WNK3: variants seen among roughly 807,000 people sequenced by gnomAD.
The protein encoded by WNK3 is WNK lysine deficient protein kinase 3.
In WNK3, 18 loss-of-function variants were observed where a neutral mutation model predicts 116.7. The ratio of observed to expected loss-of-function variants is 0.15; its 90% CI spans 0.11 to 0.23. The LOEUF (loss-of-function observed/expected upper bound fraction) is 0.23. Ranked by LOEUF, WNK3 falls within the 10% of genes least tolerant of loss-of-function variation. The pLI is 1.00. For missense variants in WNK3, 993 were observed against 1,323.8 expected, an observed-to-expected ratio of 0.75 and a Z score of 3.88; for synonymous variants, 404 against 469.4, an observed-to-expected ratio of 0.86 and a Z score of 1.80.
intron 10 of WNK3, among the ~76,000 whole-genome samples, chrX:54,264,668 G>A (rs1269978153): frequency 9.0e-6 from 1 of 111,071 alleles, no homozygotes; most frequent in Non-Finnish European, 1.9e-5. Flanking sequence ...TCCATTAACT[G>A]TAAGGCAGAT....
intron 10 of WNK3, among the ~76,000 whole-genome samples, chrX:54,261,648 G>T (rs782679270): frequency 9.0e-6 from 1 of 111,120 alleles, no homozygotes; most frequent in Non-Finnish European, 1.9e-5. Context: ...ACACACACAC[G>T]TTTTTAATGT....
intron 1 of WNK3, among the ~76,000 whole-genome samples, chrX:54,335,579 A>G (rs1291768348): frequency 9.3e-6 from 1 of 107,886 alleles, no homozygotes; most frequent in Non-Finnish European, 1.9e-5. Flanking sequence ...TGTCACAAAG[A>G]TTTGTTAAGA....
At chrX:54,270,802 A>G (rs182938988) in intron 10 of WNK3, among the ~76,000 whole-genome samples, 26 of 110,592 alleles carry the variant, frequency 2.4e-4, no homozygotes, top group Non-Finnish European at 4.3e-4. Context: ...CTCATTGTTC[A>G]GCTCCCACTT....
chrX:54,353,352 G>A (rs1244238899), intron 1 of WNK3, among the ~76,000 whole-genome samples: 6 of 110,943 alleles, frequency 5.4e-5, no homozygotes, highest in Non-Finnish European at 1.1e-4. Flanking sequence ...CAGCTATTCG[G>A]GATGCTGAGG....
chrX:54,305,253 T>C (rs1416118507), intron 5 of WNK3, among the ~76,000 whole-genome samples: 1 of 111,711 alleles, frequency 9.0e-6, no homozygotes, highest in African/African-American at 3.3e-5. Flanking sequence ...TATTTATGTG[T>C]TTGAGGTTAT....
At chrX:54,245,742 T>C (rs1219797499) in intron 17 of WNK3, among the ~76,000 whole-genome samples, 7 of 112,091 alleles carry the variant, frequency 6.2e-5, no homozygotes, top group Admixed American at 5.7e-4. Flanking sequence ...TCCTTTCCTG[T>C]TACCAATAAT....
chrX:54,294,564 G>A (rs782356886), exon 8 of WNK3: 50 of 1,173,688 alleles, frequency 4.3e-5, no homozygotes, highest in Non-Finnish European at 5.7e-5. Context: ...TGTAACAGAG[G>A]AGCAGTGCTG....
intron 22 of WNK3, chrX:54,223,889 G>A (rs1268235430): frequency 1.5e-5 from 2 of 131,296 alleles, no homozygotes; most frequent in Non-Finnish European, 3.1e-5. Flanking sequence ...CACCACTGTC[G>A]CCTTCACACA....
At chrX:54,304,458 C>T (rs2147151093) in intron 5 of WNK3, among the ~76,000 whole-genome samples, 1 of 108,682 alleles carries the variant, frequency 9.2e-6, no homozygotes, top group South Asian at 4.1e-4. Context: ...AGAGGATTGC[C>T]TGAGCCCAGG....
intron 22 of WNK3, among the ~76,000 whole-genome samples, chrX:54,216,859 T>TA (rs1363812935): frequency 5.4e-5 from 6 of 111,556 alleles, no homozygotes; most frequent in Non-Finnish European, 1.1e-4. Flanking sequence ...GCTTAAAAAT[T>TA]AAAAATAAAT....
At chrX:54,356,361 A>G (rs782248637) in intron 1 of WNK3, among the ~76,000 whole-genome samples, 1 of 111,523 alleles carries the variant, frequency 9.0e-6, no homozygotes, top group African/African-American at 3.3e-5. Context: ...CCCAGGCTAG[A>G]GTGCAGTGGC....
chrX:54,299,732 G>A (rs1557167108), intron 6 of WNK3, among the ~76,000 whole-genome samples: 2 of 111,153 alleles, frequency 1.8e-5, no homozygotes, highest in African/African-American at 3.3e-5. Flanking sequence ...ATGTGTTTAA[G>A]GAGGCACAAC....
At chrX:54,256,828 C>T (rs1215187974) in intron 11 of WNK3, among the ~76,000 whole-genome samples, 2 of 111,930 alleles carry the variant, frequency 1.8e-5, no homozygotes, top group African/African-American at 6.5e-5. Context: ...TTTTTAAATA[C>T]ACAGAGAAAT....
chrX:54,263,025 C>T lies in WNK3; in HGVS notation c.2038-3687G>A, dbSNP rs782202458. Among the ~76,000 whole-genome samples the T allele has an allele frequency of 3.6e-5, 4 of 110,442 alleles. No individual in the cohort carries two copies. In the South Asian group the frequency reaches 1.6e-3, roughly 44 times the overall value. On this transcript the variant is annotated intron_variant, in intron 10 of 23. Coordinates refer to ENST00000354646, the Ensembl canonical transcript of WNK3. ...ATCTTGGTTATATTCTTGAGGCTCC[C>T]CTAACTGGTTCTGAGGTCTTATGTA...
chrX:54,291,184 G>T (rs1439307800), intron 10 of WNK3, among the ~76,000 whole-genome samples: 1 of 110,370 alleles, frequency 9.1e-6, no homozygotes, highest in Non-Finnish European at 1.9e-5. Flanking sequence ...ATGGTGGCAC[G>T]TGCCTGTAGT....
Position 54,270,192 on chromosome X carries a change from G to A in WNK3, c.2038-10854C>T, listed in dbSNP as rs374419020. On this transcript the variant is annotated intron_variant, in intron 10 of 23. Coordinates refer to ENST00000354646, the Ensembl canonical transcript of WNK3. ...GTGATCCCGGCTCCCTGCAACCTCC[G>A]CCTCCCAGGTTCAAGCGATTATCCT... Among the ~76,000 whole-genome samples the A allele has an allele frequency of 5.1e-3, 560 of 109,718 alleles. 3 individuals are homozygous for A. The highest frequency in any genetic ancestry group is 0.018 in the African/African-American group (530 of 30,194).
chrX:54,221,079 T>C (rs961822349), intron 22 of WNK3, among the ~76,000 whole-genome samples: 6 of 112,126 alleles, frequency 5.4e-5, no homozygotes, highest in Non-Finnish European at 1.1e-4. Context: ...CAATTTAAGC[T>C]AGTCCTTTAT....
chrX:54,254,066 A>T (rs2068164701), exon 13 of WNK3: 1 of 1,185,181 alleles, frequency 8.4e-7, no homozygotes, highest in African/African-American at 1.7e-5. Flanking sequence ...TTATCTCCAG[A>T]GGTTGATACC....
chrX:54,274,193 T>G (rs950330699), intron 10 of WNK3, among the ~76,000 whole-genome samples: 11 of 111,747 alleles, frequency 9.8e-5, no homozygotes, highest in African/African-American at 3.6e-4. Flanking sequence ...TCCTTAATGC[T>G]GCCTGGCAAT....
Sources: allele counts gnomAD v4.1 joint callset (sites outside exome capture counted in the v4.1 genomes callset), GRCh38; gene constraint gnomAD v4.1.1; transcripts MANE v1.5; gene names NCBI Gene and HGNC (gene_info 2026-07-23, HGNC 2026-07-21).